The following KLHL20 variants were observed in gnomAD, a reference collection of about 807,000 sequenced individuals.
KLHL20 encodes the protein kelch like family member 20, also known as kelch-like protein 20.
Under a neutral mutation model 69.5 loss-of-function variants are expected in KLHL20, and 29 were observed. That is an observed-to-expected ratio of 0.42 (90% CI 0.31 to 0.57). KLHL20 has a LOEUF of 0.57. Among genes scored for constraint, KLHL20 ranks in the 20% least tolerant of loss-of-function variants. KLHL20 has a pLI of 0.18. For synonymous variants in KLHL20, 253 were observed against 265.2 expected, an observed-to-expected ratio of 0.95 and a Z score of 0.45; for missense variants, 419 against 776.0, an observed-to-expected ratio of 0.54 and a Z score of 5.47.
At chr1:173,775,299 A>G (rs1435786004) in intron 9 of KLHL20, among the ~76,000 whole-genome samples, 1 of 152,208 alleles carries the variant, frequency 6.6e-6, no homozygotes, top group Non-Finnish European at 1.5e-5. Flanking sequence ...TTAGTACTGA[A>G]TGGTGCTTAT....
chr1:173,783,596 G>A (rs1459705939), intron 11 of KLHL20, among the ~76,000 whole-genome samples: 5 of 152,218 alleles, frequency 3.3e-5, no homozygotes, highest in Admixed American at 3.3e-4. Flanking sequence ...GGCCAGGCAC[G>A]GTGGCTCATG....
intron 3 of KLHL20, among the ~76,000 whole-genome samples, chr1:173,735,465 A>AG (rs397957203): frequency 6.6e-6 from 1 of 151,944 alleles, no homozygotes; most frequent in African/African-American, 2.4e-5. Flanking sequence ...AAAAAAAAAA[A>AG]GAATTTGAGA....
chr1:173,734,323 T>TG, intron 3 of KLHL20, 37 bp downstream of exon 3: 1 of 1,567,784 alleles, frequency 6.4e-7, no homozygotes, highest in South Asian at 1.1e-5. Flanking sequence ...ACCCATTTGT[T>TG]GGAGAGCAAT....
At chr1:173,745,748 G>C (rs185600857) in intron 3 of KLHL20, among the ~76,000 whole-genome samples, 3 of 152,128 alleles carry the variant, frequency 2.0e-5, no homozygotes, top group Non-Finnish European at 1.5e-5. Context: ...AATGTTAAAT[G>C]GTAATGGAAA....
At chr1:173,729,817 G>A (rs1672169016) in intron 2 of KLHL20, among the ~76,000 whole-genome samples, 1 of 152,226 alleles carries the variant, frequency 6.6e-6, no homozygotes, top group South Asian at 2.1e-4. Flanking sequence ...ACAAGACAGG[G>A]ATGCCCTCTC....
chr1:173,762,517 C>T (rs1242819213), intron 7 of KLHL20, among the ~76,000 whole-genome samples: 1 of 152,154 alleles, frequency 6.6e-6, no homozygotes, highest in Non-Finnish European at 1.5e-5. Flanking sequence ...AACATCATAT[C>T]AAAAAGATAA....
At position 173,741,959 on chromosome 1, in the gene KLHL20, A is replaced by ATT. The variant is rs1672826624; in HGVS notation, c.597+7673_597+7674insTT. The stretch of plus-strand genomic sequence containing the variant: ...CACTCTGAATCAAGATAAGTGGGAA[A>ATT]CCATCTCGATAAACACATTTTGGAT... On this transcript the variant is annotated intron_variant, in intron 3 of 11. Coordinates refer to ENST00000209884, the MANE Select transcript of KLHL20 (RefSeq NM_014458.4). 5.1e-6 allele frequency: 4 copies of ATT among 788,818 alleles called. No homozygotes were observed. The East Asian group carries it at 1.1e-4, about 21-fold the overall frequency. The allele number at this position is 788,818 out of a possible 1,614,324, so 48.9% of individuals were successfully genotyped here.
At chr1:173,716,192 A>G (rs974167481) in intron 2 of KLHL20, 126 bp downstream of exon 2, 7 of 779,458 alleles carry the variant, frequency 9.0e-6, no homozygotes, top group South Asian at 5.7e-5. Flanking sequence ...TTGTTCTACA[A>G]TAAATCAAAA....
In KLHL20 at chr1:173,775,805, G is replaced by T; in HGVS notation, c.1601G>T (p.Trp534Leu). Residue 534 changes from tryptophan (W) to leucine (L), a missense_variant, in exon 10 of 12, where the codon TGG (tryptophan) becomes TTG (leucine). Around this residue, in one of 6 missense-constraint regions of KLHL20, gnomAD observed 79 missense variants for 154.4 expected, o/e 0.51. Transcript: ENST00000209884. Reference sequence around the variant, plus strand: ...AGATACAACCCCAGAACCAACCAGTGGTCTCCAGTGGTGGCCATGACATCA... The same window carrying T: ...AGATACAACCCCAGAACCAACCAGTTGTCTCCAGTGGTGGCCATGACATCA... ...AERYNPRTNQ[W>L]SPVVAMTSRR... The T allele has an allele frequency of 6.2e-7, 1 of 1,614,152 alleles. No homozygotes were observed.
chr1:173,740,560 G>T (rs61826817), intron 3 of KLHL20, among the ~76,000 whole-genome samples: 15,329 of 152,008 alleles, frequency 0.1, 1,038 homozygotes, highest in East Asian at 0.23. Context: ...CACCGCTTTT[G>T]CTGTATCCCA....
intron 10 of KLHL20, among the ~76,000 whole-genome samples, chr1:173,776,912 G>A (rs550037176): frequency 6.6e-6 from 1 of 152,128 alleles, no homozygotes; most frequent in East Asian, 1.9e-4. Flanking sequence ...GGGTCTTTGT[G>A]GTTGCATATC....
At chr1:173,717,896 CATTT>C (rs1468832147) in intron 2 of KLHL20, among the ~76,000 whole-genome samples, 4 of 152,244 alleles carry the variant, frequency 2.6e-5, no homozygotes, top group Non-Finnish European at 4.4e-5. Flanking sequence ...TTCATTACCT[CATTT>C]ATTTATGTAC....
At chr1:173,782,996 T>C (rs564375214) in intron 11 of KLHL20, among the ~76,000 whole-genome samples, 1 of 152,334 alleles carries the variant, frequency 6.6e-6, no homozygotes, top group South Asian at 2.1e-4. Flanking sequence ...AGTAATCTTA[T>C]AGATGCCCTA....
chr1:173,764,341 A>G (rs1236894960), intron 7 of KLHL20, among the ~76,000 whole-genome samples: 2 of 152,212 alleles, frequency 1.3e-5, no homozygotes, highest in Non-Finnish European at 2.9e-5. Flanking sequence ...CTAAAAGTAG[A>G]ACTACCATTT....
At position 173,785,235 on chromosome 1, in the gene KLHL20, C is replaced by T. The variant is rs1649135269; in HGVS notation, c.1818C>T (p.Ser606=). The T allele has an allele frequency of 6.8e-6, 11 of 1,609,456 alleles. No individual in the cohort carries two copies. The highest frequency in any genetic ancestry group is 9.3e-6 in the Non-Finnish European group (11 of 1,177,838). Residue 606 remains serine, a synonymous_variant, in exon 12 of 12, where the codon TCC becomes TCT. Transcript: ENST00000209884. ...VGVIKMTHCE[S]HIW ...TTATTAAAATGACACATTGTGAATC[C>T]CATATTTGGTGAACACAGAGAAGAC...
chr1:173,786,636 CT>C lies in KLHL20; in HGVS notation c.*1395del, dbSNP rs1649215390. 1 of 152,246 alleles carries C rather than the reference CT, an allele frequency of 6.6e-6. No individual in the cohort carries two copies. Among genetic ancestry groups the C allele is most frequent in the African/African-American group, 2.4e-5 (1 of 41,326 alleles). The allele number at this position is 152,246 out of a possible 1,614,324, so 9.4% of individuals were successfully genotyped here. A position where few individuals can be genotyped will look rare whatever the true frequency, so the allele number is the denominator to read the frequency against. On this transcript the variant is annotated 3_prime_UTR_variant, in exon 12 of 12. Transcript: ENST00000209884. ...CAATTGTTTACATATATCATTTATG[CT>C]TTTTTCTAGCATGTATAACTTTTTT...
In KLHL20 at chr1:173,759,854, A is replaced by G. The variant is rs1468057774; in HGVS notation, c.1151+2695A>G. 3.3e-5 allele frequency among the ~76,000 whole-genome samples: 5 copies of G among 152,252 alleles called. No homozygotes were observed. The South Asian group carries it at 1.0e-3, about 32-fold the overall frequency. ...AAAAAATCATACTAATTCACCAGCA[A>G]TGGATCCAAACCAAGAAGATTCCCT... On this transcript the variant is annotated intron_variant, in intron 7 of 11. Coordinates refer to ENST00000209884, the MANE Select transcript of KLHL20 (RefSeq NM_014458.4).
chr1:173,726,599 G>A (rs1000092575), intron 2 of KLHL20, among the ~76,000 whole-genome samples: 2 of 152,128 alleles, frequency 1.3e-5, no homozygotes, highest in African/African-American at 2.4e-5. Context: ...ACCAATATCC[G>A]CTGTTCTGCA....
chr1:173,748,093 C>T (rs1173766253), intron 3 of KLHL20, among the ~76,000 whole-genome samples: 1 of 151,858 alleles, frequency 6.6e-6, no homozygotes, highest in Admixed American at 6.6e-5. Context: ...CTGAAGAAAA[C>T]ACAAATTACA....
Sources: allele counts gnomAD v4.1 joint callset (sites outside exome capture counted in the v4.1 genomes callset), GRCh38; gene constraint gnomAD v4.1.1; regional missense constraint gnomAD v4.1.1; transcripts MANE v1.5; gene names NCBI Gene and HGNC (gene_info 2026-07-23, HGNC 2026-07-21).